NEK3: variants seen among roughly 807,000 people sequenced by gnomAD.
The protein encoded by NEK3 is NIMA related kinase 3.
A neutral mutation model predicts 66.0 loss-of-function variants in NEK3; 54 were observed. The ratio of observed to expected loss-of-function variants is 0.82; its 90% CI spans 0.66 to 1.03. The LOEUF (loss-of-function observed/expected upper bound fraction) is 1.03, where lower values mean the gene tolerates loss of function less well. NEK3 is among the 50% of genes least tolerant of loss of function. NEK3 has a pLI of 0.00. For synonymous variants in NEK3, 200 were observed against 206.2 expected (o/e 0.97, Z 0.26); for missense variants, 593 against 603.0 (o/e 0.98, Z 0.17).
chr13:52,136,392 A>T (rs1047361203), intron 12 of NEK3, 133 bp from the exon 13 acceptor site: 4 of 939,762 alleles, frequency 4.3e-6, no homozygotes, highest in African/African-American at 1.7e-5. Context: ...TGAAAGATCA[A>T]TGTTCTTTCT....
chr13:52,149,742 G>A (rs9563093), intron 7 of NEK3, among the ~76,000 whole-genome samples: 70,840 of 151,692 alleles, frequency 0.47, 18,484 homozygotes, highest in Non-Finnish European at 0.59. Context: ...GGCGGCGGGC[G>A]CCTGTAGTCC....
chr13:52,133,229 G>A lies in NEK3; in HGVS notation c.1437-3C>T. 6.2e-7 allele frequency: 1 copy of A among 1,601,052 alleles called. No individual in the cohort carries two copies. The highest frequency in any genetic ancestry group is 8.5e-7 in the Non-Finnish European group (1 of 1,173,700). ...TGTCATCTTCCTCCTCAAAGTCCCT[G>A]TGAAAAAACAATTTGGACCATAAAC... On this transcript the variant is annotated splice_region_variant and splice_polypyrimidine_tract_variant and intron_variant, in intron 15 of 15. Transcript: ENST00000610828.
chr13:52,147,853 G>A (rs1307391855), intron 8 of NEK3, among the ~76,000 whole-genome samples: 1 of 152,090 alleles, frequency 6.6e-6, no homozygotes, highest in East Asian at 1.9e-4. Context: ...AAATTTAGCT[G>A]GGCATGGTGG....
intron 14 of NEK3, among the ~76,000 whole-genome samples, chr13:52,134,578 A>G (rs750701414): frequency 2.6e-5 from 4 of 152,254 alleles, no homozygotes; most frequent in Non-Finnish European, 5.9e-5. Flanking sequence ...TTTCACAAAC[A>G]GCATGAAAAC....
At chr13:52,143,810 T>A in intron 10 of NEK3, 105 bp downstream of exon 10, 1 of 659,220 alleles carries the variant, frequency 1.5e-6, no homozygotes, top group East Asian at 2.9e-5. Context: ...TTGAGGAGTA[T>A]CTCCGATAAT....
In NEK3 at chr13:52,141,091, G is replaced by T. The variant is rs149245561; in HGVS notation, c.878-22C>A. ...TTTGCTTTTAAAAGAGAGAGAGAAG[G>T]TAGAAAGATAAAACACATAAAGGAT... On this transcript the variant is annotated intron_variant, in intron 10 of 15. Transcript: ENST00000610828. 208 of 1,584,598 alleles carry T rather than the reference G, an allele frequency of 1.3e-4. 1 individual carries two copies. The South Asian group carries it at 2.3e-3, about 18-fold the overall frequency.
rs772226304 is a variant in NEK3, at chr13:52,133,854, A to G, written c.1310-39T>C. 1.9e-6 allele frequency: 3 copies of G among 1,560,902 alleles called. No individual in the cohort carries two copies. The African/African-American group carries it at 4.1e-5, about 21-fold the overall frequency. ...TAACAGAAAATATACCAATTTAAAC[A>G]GTATTTACTTATTTCATGCAGTTTG... is the stretch of plus-strand genomic sequence containing the variant. On this transcript the variant is annotated intron_variant, in intron 14 of 15. Transcript: ENST00000610828.
chr13:52,147,018 A>C (rs1004529953), intron 8 of NEK3, among the ~76,000 whole-genome samples: 1 of 152,326 alleles, frequency 6.6e-6, no homozygotes, highest in Non-Finnish European at 1.5e-5. Context: ...TGTTCTATAT[A>C]ATAAACAATG....
At chr13:52,145,008 C>G (rs1361479219) in intron 8 of NEK3, 117 bp from the exon 9 acceptor site, 1 of 711,988 alleles carries the variant, frequency 1.4e-6, no homozygotes, top group Non-Finnish European at 2.3e-6. Context: ...GGTCATTTTT[C>G]TTTCTAGAGG....
intron 1 of NEK3, chr13:52,156,474 T>A (rs1956397394): frequency 3.6e-6 from 1 of 281,398 alleles, no homozygotes; most frequent in East Asian, 8.4e-5. Flanking sequence ...GGGCATAAAT[T>A]TTCCTATGTA....
chr13:52,152,309 C>T (rs1265392379), intron 5 of NEK3, among the ~76,000 whole-genome samples: 1 of 151,970 alleles, frequency 6.6e-6, no homozygotes, highest in Non-Finnish European at 1.5e-5. Flanking sequence ...CTTAAATGTC[C>T]TCACCACAAA....
At position 52,152,041 on chromosome 13, in the gene NEK3, T is replaced by C. The variant is rs1594029452; in HGVS notation, c.393+568A>G. 2.0e-5 allele frequency among the ~76,000 whole-genome samples: 3 copies of C among 152,312 alleles called. No individual in the cohort carries two copies. In the South Asian group the frequency reaches 6.2e-4, roughly 32 times the overall value. ...ACTCTACGATGCTCACACAACAAAA[T>C]CACCTTACAATGCATTTCTGAGTAC... On this transcript the variant is annotated intron_variant, in intron 5 of 15. Transcript: ENST00000610828.
chr13:52,139,010 T>G (rs570712167), intron 11 of NEK3, among the ~76,000 whole-genome samples: 1 of 152,126 alleles, frequency 6.6e-6, no homozygotes, highest in Admixed American at 6.5e-5. Flanking sequence ...AAGGGGGGTG[T>G]GACAACACTG....
At position 52,136,097 on chromosome 13, in the gene NEK3, A is replaced by C. The variant is rs777962912; in HGVS notation, c.1174+19T>G. On this transcript the variant is annotated intron_variant, in intron 13 of 15. Coordinates refer to ENST00000610828, the MANE Select transcript of NEK3 (RefSeq NM_002498.3). ...AAAAGTTCTCTAATAAAATAATAGTATTCAATCTGACTACTAACCTCTATC... is the reference window on the plus strand; with the variant it reads ...AAAAGTTCTCTAATAAAATAATAGTCTTCAATCTGACTACTAACCTCTATC... 2 of 1,612,814 alleles carry C rather than the reference A, an allele frequency of 1.2e-6. No homozygotes were observed. Among genetic ancestry groups the C allele is most frequent in the Non-Finnish European group, 1.7e-6 (2 of 1,179,372 alleles).
At chr13:52,145,486 TTC>T (rs1193494057) in intron 8 of NEK3, among the ~76,000 whole-genome samples, 1 of 152,086 alleles carries the variant, frequency 6.6e-6, no homozygotes, top group Non-Finnish European at 1.5e-5. Context: ...AAATTTTTTT[TTC>T]TTTTTTTAGA....
chr13:52,133,670 T>C lies in NEK3; in HGVS notation c.1436+19A>G. On this transcript the variant is annotated intron_variant, in intron 15 of 15. Coordinates refer to ENST00000610828, the MANE Select transcript of NEK3 (RefSeq NM_002498.3). ...ACCCCCAACCCCAGCTACAGCTTTCTATGCATATCACAACGTACGTGTCCT... is the reference window on the plus strand; with the variant it reads ...ACCCCCAACCCCAGCTACAGCTTTCCATGCATATCACAACGTACGTGTCCT... 6.5e-7 allele frequency: 1 copy of C among 1,549,650 alleles called. No homozygotes were observed.
intron 7 of NEK3, among the ~76,000 whole-genome samples, chr13:52,150,715 C>CA (rs1481475102): frequency 1.3e-5 from 2 of 152,180 alleles, no homozygotes; most frequent in Non-Finnish European, 2.9e-5. Context: ...TATTCATTCT[C>CA]AAATGTTGCT....
chr13:52,146,075 T>C (rs1049652304), intron 8 of NEK3, among the ~76,000 whole-genome samples: 2 of 152,214 alleles, frequency 1.3e-5, no homozygotes, highest in African/African-American at 4.8e-5. Context: ...TTTAGTATAG[T>C]CAAATTTATT....
chr13:52,153,806 A>G (rs374960887), intron 4 of NEK3, 89 bp downstream of exon 4: 73 of 850,290 alleles, frequency 8.6e-5, no homozygotes, highest in African/African-American at 3.0e-4. Context: ...GTAATTACAG[A>G]TATCAATGCT....
Sources: allele counts gnomAD v4.1 joint callset (sites outside exome capture counted in the v4.1 genomes callset), GRCh38; gene constraint gnomAD v4.1.1; transcripts MANE v1.5; gene names NCBI Gene and HGNC (gene_info 2026-07-23, HGNC 2026-07-21).